PCBP4: variants seen among roughly 807,000 people sequenced by gnomAD.
The protein encoded by PCBP4 is poly(rC) binding protein 4.
Under a neutral mutation model 46.2 loss-of-function variants are expected in PCBP4, and 24 were observed. The ratio of observed to expected loss-of-function variants is 0.52; its 90% CI spans 0.38 to 0.73. The LOEUF (loss-of-function observed/expected upper bound fraction) is 0.73, where lower values mean the gene tolerates loss of function less well. PCBP4 is among the 30% of genes least tolerant of loss of function. PCBP4 has a pLI of 0.00. For missense variants in PCBP4, 407 were observed against 537.0 expected, an observed-to-expected ratio of 0.76 and a Z score of 2.39; for synonymous variants, 203 against 224.4, an observed-to-expected ratio of 0.90 and a Z score of 0.85.
rs868388521 is a variant in PCBP4 at position 51,960,287 on chromosome 3, C to T, written c.289G>A (p.Val97Ile). The T allele has an allele frequency of 1.9e-6, 3 of 1,614,020 alleles. No homozygotes were observed. The highest frequency in any genetic ancestry group is 3.3e-4 in the Middle Eastern group (2 of 6,060). The change falls in exon 7 of 14, where the codon GTC (valine) becomes ATC (isoleucine). Residue 97 changes from valine (V) to isoleucine (I), a missense_variant. Val to Ile is a conservative substitution (Grantham distance 29). Coordinates refer to ENST00000461554, the MANE Select transcript of PCBP4 (RefSeq NM_001174100.2). This position sits in a 1 kb window ranked among gnomAD's most constrained non-coding sequence, Gnocchi z 5.0. The stretch of plus-strand genomic sequence containing the variant: ...CGCAGGGTCACTGGAGGCCTGGAGA[C>T]ATTTCCACCATTTGCAGGAGCAGCA... ...LCAAPANGGN[V>I]SRPPVTLRLV... is the part of the protein sequence containing the mutation.
intron 1 of PCBP4, among the ~76,000 whole-genome samples, chr3:51,965,423 G>A (rs1043212052): frequency 6.6e-6 from 1 of 152,112 alleles, no homozygotes; most frequent in Admixed American, 6.5e-5. Flanking sequence ...CTTCTCAAAC[G>A]CCACCTCCTC....
At chr3:51,964,554 G>A (rs1228125329) in intron 1 of PCBP4, among the ~76,000 whole-genome samples, 1 of 152,198 alleles carries the variant, frequency 6.6e-6, no homozygotes, top group Admixed American at 6.5e-5. Context: ...CCACCTAGCA[G>A]CCCCCTTCTC....
At chr3:51,964,547 C>G (rs1336259913) in intron 1 of PCBP4, among the ~76,000 whole-genome samples, 2 of 152,206 alleles carry the variant, frequency 1.3e-5, no homozygotes, top group African/African-American at 4.8e-5. Flanking sequence ...CAGCTCCCCA[C>G]CTAGCAGCCC....
intron 1 of PCBP4, among the ~76,000 whole-genome samples, chr3:51,966,937 T>A (rs538720699): frequency 6.6e-6 from 1 of 151,838 alleles, no homozygotes; most frequent in East Asian, 1.9e-4. Context: ...TGTATCTGGC[T>A]CCCCCAACGA....
chr3:51,960,162 C>T lies in PCBP4; in HGVS notation c.387+27G>A, dbSNP rs775394416. ...CAACTGCTCCCTTGCCCCGGATTCCCTGTGGGTGGTATATCTCGCCCCTCA... is the reference window on the plus strand; with the variant it reads ...CAACTGCTCCCTTGCCCCGGATTCCTTGTGGGTGGTATATCTCGCCCCTCA... On this transcript the variant is annotated intron_variant, in intron 7 of 13. Coordinates refer to ENST00000461554, the MANE Select transcript of PCBP4 (RefSeq NM_001174100.2). The surrounding 1 kb of genome is among the most constrained non-coding windows in gnomAD (Gnocchi z 5.0). 4 of 1,614,148 alleles carry T rather than the reference C, an allele frequency of 2.5e-6. No individual in the cohort carries two copies. The East Asian group carries it at 8.9e-5, about 36-fold the overall frequency.
At chr3:51,963,766 C>T (rs1700287334) in intron 1 of PCBP4, among the ~76,000 whole-genome samples, 1 of 152,222 alleles carries the variant, frequency 6.6e-6, no homozygotes, top group Non-Finnish European at 1.5e-5. Flanking sequence ...GAGAGAGTTG[C>T]TGGTCTATCT....
At position 51,958,970 on chromosome 3, in the gene PCBP4, G is replaced by A; in HGVS notation, c.754-11C>T. ...CACACAGCCAATCAACTAGAGGGAAGGCAGAATTCAGCCCTGGGTGAGGTC... is the reference window on the plus strand; with the variant it reads ...CACACAGCCAATCAACTAGAGGGAAAGCAGAATTCAGCCCTGGGTGAGGTC... On this transcript the variant is annotated splice_polypyrimidine_tract_variant and intron_variant, in intron 12 of 13. Transcript: ENST00000461554. This position sits in a 1 kb window ranked among gnomAD's most constrained non-coding sequence, Gnocchi z 5.4. 6.2e-7 allele frequency: 1 copy of A among 1,613,900 alleles called. No homozygotes were observed. The highest frequency in any genetic ancestry group is 1.1e-5 in the South Asian group (1 of 91,076).
chr3:51,959,438 G>C lies in PCBP4; in HGVS notation c.592-27C>G. On this transcript the variant is annotated intron_variant, in intron 9 of 13. Transcript: ENST00000461554. The surrounding 1 kb of genome is among the most constrained non-coding windows in gnomAD (Gnocchi z 5.6). ...TGTGGGGACAAAGTGGATGAAAAGG[G>C]GGTTACTGTGACATTGCAGTTCAGC... 6.3e-7 allele frequency: 1 copy of C among 1,589,966 alleles called. No individual in the cohort carries two copies. Among genetic ancestry groups the C allele is most frequent in the Non-Finnish European group, 8.6e-7 (1 of 1,167,028 alleles).
In PCBP4 at chr3:51,961,217, C is replaced by A; in HGVS notation, c.24G>T (p.Leu8=). ...TGATGCTGAGCTCTGGCTCCTCCTCCAGTCCCCCGTCCGAGCCGCTCATTC... is the reference window on the plus strand; with the variant it reads ...TGATGCTGAGCTCTGGCTCCTCCTCAAGTCCCCCGTCCGAGCCGCTCATTC... The part of the protein sequence containing the change: MSGSDGG[L]EEEPELSITL... Residue 8 remains leucine (L), a synonymous_variant, in exon 3 of 14, where the codon CTG becomes CTT. Coordinates refer to ENST00000461554, the MANE Select transcript of PCBP4 (RefSeq NM_001174100.2). The A allele has an allele frequency of 6.2e-7, 1 of 1,612,952 alleles. No homozygotes were observed. The highest frequency in any genetic ancestry group is 1.1e-5 in the South Asian group (1 of 91,080).
rs143215086 is a variant in PCBP4, at chr3:51,961,166, G to A, written c.75C>T (p.His25=). 1.2e-4 allele frequency: 187 copies of A among 1,613,620 alleles called. 1 individual carries two copies. In the African/African-American group the frequency reaches 2.2e-3, roughly 19 times the overall value. Residue 25 remains histidine (H), a synonymous_variant, in exon 3 of 14, where the codon CAC becomes CAT. Coordinates refer to ENST00000461554, the MANE Select transcript of PCBP4 (RefSeq NM_001174100.2). ...CCCTCCACCTCCCGCTCACCTTCCCGTGCATCAGCATCCGCAGCGTGAGGG... is the reference window on the plus strand; with the variant it reads ...CCCTCCACCTCCCGCTCACCTTCCCATGCATCAGCATCCGCAGCGTGAGGG... ...SITLTLRMLM[H]GKEVGSIIGK...
At chr3:51,961,627 TA>T in intron 2 of PCBP4, 2 of 401,416 alleles carry the variant, frequency 5.0e-6, no homozygotes, top group Non-Finnish European at 7.0e-6. Context: ...CCTGAGACAC[TA>T]AAAGAAATAA....
In PCBP4 at chr3:51,957,837, G is replaced by T; in HGVS notation, c.*224C>A. On this transcript the variant is annotated 3_prime_UTR_variant, in exon 14 of 14. Coordinates refer to ENST00000461554, the MANE Select transcript of PCBP4 (RefSeq NM_001174100.2). ...CCAAGCACAGAGCTGAGGAGGTAGG[G>T]CCCCCTGCCCTGGGGCTGCCGCAGC... 2.4e-6 allele frequency: 1 copy of T among 418,588 alleles called. No individual in the cohort carries two copies. The highest frequency in any genetic ancestry group is 4.3e-6 in the Non-Finnish European group (1 of 234,742). 25.9% of individuals were successfully genotyped at this position (418,588 alleles called of 1,614,324 possible). A position where few individuals can be genotyped will look rare whatever the true frequency, so the allele number is the denominator to read the frequency against.
In PCBP4 at chr3:51,959,002, C is replaced by A. The variant is rs771994914; in HGVS notation, c.754-43G>T. 3.1e-6 allele frequency: 5 copies of A among 1,613,246 alleles called. No homozygotes were observed. In the East Asian group the frequency reaches 1.1e-4, roughly 36 times the overall value. ...TTCAGCCCTGGGTGAGGTCCAGACC[C>A]CCAGACCCCCTACCCACCCTCCAGC... is the stretch of plus-strand genomic sequence containing the variant. On this transcript the variant is annotated intron_variant, in intron 12 of 13. Transcript: ENST00000461554. This position sits in a 1 kb window ranked among gnomAD's most constrained non-coding sequence, Gnocchi z 5.6.
At chr3:51,965,949 C>T (rs1406122620) in intron 1 of PCBP4, among the ~76,000 whole-genome samples, 2 of 152,110 alleles carry the variant, frequency 1.3e-5, no homozygotes, top group South Asian at 2.1e-4. Context: ...TTCACAGAGT[C>T]GAGTTGGGCT....
At chr3:51,965,999 G>A (rs1189612403) in intron 1 of PCBP4, among the ~76,000 whole-genome samples, 1 of 152,242 alleles carries the variant, frequency 6.6e-6, no homozygotes, top group Non-Finnish European at 1.5e-5. Context: ...AATCACAAGA[G>A]GGGCTCGCGG....
chr3:51,962,594 T>C (rs1700233025), intron 1 of PCBP4, among the ~76,000 whole-genome samples: 1 of 152,008 alleles, frequency 6.6e-6, no homozygotes, highest in Non-Finnish European at 1.5e-5. Context: ...TGTGCTGAGC[T>C]TGGAACACTC....
At chr3:51,962,655 G>A (rs1381525603) in intron 1 of PCBP4, among the ~76,000 whole-genome samples, 2 of 152,162 alleles carry the variant, frequency 1.3e-5, no homozygotes, top group African/African-American at 2.4e-5. Context: ...ATCCCAACAT[G>A]ACAGGAAAGG....
chr3:51,959,047 A>G lies in PCBP4; in HGVS notation c.753T>C (p.Asp251=), dbSNP rs764636650. The G allele has an allele frequency of 1.9e-6, 3 of 1,613,610 alleles. No individual in the cohort carries two copies. Among genetic ancestry groups the G allele is most frequent in the East Asian group, 2.2e-5 (1 of 44,852 alleles). The stretch of plus-strand genomic sequence containing the variant: ...TCCAGCCATCCCATCCCCTGCTCAC[A>G]TCGTTGGGAACCAAGAACTCCTGTG... ...TSSQEFLVPN[D]LIGCVIGRQG... The change falls in exon 12 of 14, where the codon GAT becomes GAC. Residue 251 remains aspartate, a splice_region_variant and synonymous_variant. Coordinates refer to ENST00000461554, the MANE Select transcript of PCBP4 (RefSeq NM_001174100.2). The surrounding 1 kb of genome is among the most constrained non-coding windows in gnomAD (Gnocchi z 5.6).
Position 51,960,180 on chromosome 3 carries a change from G to A in PCBP4, c.387+9C>T, listed in dbSNP as rs201720868. 5.4e-5 allele frequency: 87 copies of A among 1,613,990 alleles called. No individual in the cohort carries two copies. Among genetic ancestry groups the A allele is most frequent in the South Asian group, 1.9e-4 (17 of 91,086 alleles). On this transcript the variant is annotated intron_variant, in intron 7 of 13. Coordinates refer to ENST00000461554, the MANE Select transcript of PCBP4 (RefSeq NM_001174100.2). The surrounding 1 kb of genome is among the most constrained non-coding windows in gnomAD (Gnocchi z 5.0). ...GGATTCCCTGTGGGTGGTATATCTCGCCCCTCACCTCTCGGATCTCCTTGA... is the reference window on the plus strand; with the variant it reads ...GGATTCCCTGTGGGTGGTATATCTCACCCCTCACCTCTCGGATCTCCTTGA...
Sources: allele counts gnomAD v4.1 joint callset (sites outside exome capture counted in the v4.1 genomes callset), GRCh38; gene constraint gnomAD v4.1.1; non-coding constraint Gnocchi (gnomAD v3.1); transcripts MANE v1.5; gene names NCBI Gene and HGNC (gene_info 2026-07-23, HGNC 2026-07-21).